The following PLCG2 variants were observed in gnomAD, a reference collection of about 807,000 sequenced individuals.
The protein encoded by PLCG2 is 1-phosphatidylinositol 4,5-bisphosphate phosphodiesterase gamma-2.
PLCG2 carries 69 observed loss-of-function variants against 175.6 expected under a neutral mutation model. That is an observed-to-expected ratio of 0.39 (90% confidence interval 0.32 to 0.48). PLCG2 has a LOEUF of 0.48. Among genes scored for constraint, PLCG2 ranks in the 20% least tolerant of loss-of-function variants. The probability of loss-of-function intolerance (pLI) is 0.91; values close to 1 mark genes in which losing one functional copy is unlikely to be tolerated. For synonymous variants in PLCG2, 827 were observed against 624.0 expected (o/e 1.33, Z -4.85); for missense variants, 1,798 against 1,650.9 (o/e 1.09, Z -1.54).
chr16:81,760,623 T>TA (rs1165017508), intron 2 of PLCG2, among the ~76,000 whole-genome samples: 1 of 151,742 alleles, frequency 6.6e-6, no homozygotes, highest in Non-Finnish European at 1.5e-5. Context: ...ACATAATACT[T>TA]ATATGGGCTG....
chr16:81,831,683 G>T (rs1230890135), intron 2 of PLCG2, among the ~76,000 whole-genome samples: 1 of 152,166 alleles, frequency 6.6e-6, no homozygotes, highest in African/African-American at 2.4e-5. Context: ...TCAGATCCTT[G>T]TGTTAGGGGG....
chr16:81,921,086 A>G (rs1292253009), intron 20 of PLCG2, 112 bp from the exon 21 acceptor site: 2 of 644,746 alleles, frequency 3.1e-6, no homozygotes, highest in African/African-American at 3.6e-5. Flanking sequence ...TGAGGTTTCA[A>G]CTCCTCTATC....
Position 81,946,158 on chromosome 16 carries a change from T to G in PLCG2, c.3482-17T>G. On this transcript the variant is annotated splice_polypyrimidine_tract_variant and intron_variant, in intron 30 of 32. Coordinates refer to ENST00000564138, the MANE Select transcript of PLCG2 (RefSeq NM_002661.5). Reference sequence around the variant, plus strand: ...TTAATTACCTGCCTTTGCATTTTCCTCCTTGTTCTGCTTCAGGATTCAGGT... The same window carrying G: ...TTAATTACCTGCCTTTGCATTTTCCGCCTTGTTCTGCTTCAGGATTCAGGT... 6.2e-7 allele frequency: 1 copy of G among 1,604,888 alleles called. No homozygotes were observed. The highest frequency in any genetic ancestry group is 1.7e-4 in the Middle Eastern group (1 of 6,032).
intron 1 of PLCG2, among the ~76,000 whole-genome samples, chr16:81,748,738 A>G (rs2143059675): frequency 6.6e-6 from 1 of 152,342 alleles, no homozygotes; most frequent in African/African-American, 2.4e-5. Flanking sequence ...TGTAGACTTG[A>G]TGGTAAACCC....
chr16:81,842,363 C>T (rs1359293073), intron 2 of PLCG2, among the ~76,000 whole-genome samples: 1 of 152,184 alleles, frequency 6.6e-6, no homozygotes, highest in Non-Finnish European at 1.5e-5. Flanking sequence ...CATATGCCGG[C>T]CTGGACAGGG....
At chr16:81,889,105 C>T in intron 9 of PLCG2, 67 bp from the exon 10 acceptor site, 1 of 958,948 alleles carries the variant, frequency 1.0e-6, no homozygotes, top group Non-Finnish European at 1.6e-6. Context: ...ACTGGATGGA[C>T]CCTGGGAAAT....
chr16:81,746,029 G>T (rs563763373), intron 1 of PLCG2, among the ~76,000 whole-genome samples: 1 of 152,252 alleles, frequency 6.6e-6, no homozygotes, highest in Admixed American at 6.5e-5. Context: ...CACTTCTGGG[G>T]ACAACATAAT....
At chr16:81,908,909 C>T (rs963473065) in intron 17 of PLCG2, among the ~76,000 whole-genome samples, 3 of 152,212 alleles carry the variant, frequency 2.0e-5, no homozygotes, top group Non-Finnish European at 4.4e-5. Flanking sequence ...TGGTCTCACT[C>T]ACTTTCCCCG....
intron 25 of PLCG2, 48 bp downstream of exon 25, chr16:81,931,702 C>T (rs1910510357): frequency 6.4e-7 from 1 of 1,571,046 alleles, no homozygotes; most frequent in South Asian, 1.1e-5. Context: ...ATTCTGAGGG[C>T]TTTGGTGCTC....
At chr16:81,872,645 G>A (rs1255812760) in intron 7 of PLCG2, among the ~76,000 whole-genome samples, 2 of 152,260 alleles carry the variant, frequency 1.3e-5, no homozygotes, top group Admixed American at 1.3e-4. Flanking sequence ...AGGGGCTGCT[G>A]TTGTTGCTGT....
chr16:81,900,245 G>A (rs906413598), intron 13 of PLCG2, among the ~76,000 whole-genome samples: 2 of 152,226 alleles, frequency 1.3e-5, no homozygotes, highest in African/African-American at 4.8e-5. Context: ...GACCCTGGGT[G>A]AAGCACACAT....
chr16:81,930,026 T>G (rs1401216434), intron 24 of PLCG2, among the ~76,000 whole-genome samples: 1 of 152,218 alleles, frequency 6.6e-6, no homozygotes, highest in South Asian at 2.1e-4. Context: ...TTTCTCTTAA[T>G]GAGCCTCAGT....
exon 1 of PLCG2, chr16:81,739,305 C>T (rs746738065): frequency 1.1e-4 from 17 of 151,962 alleles, no homozygotes; most frequent in African/African-American, 4.1e-4. Flanking sequence ...TACGTGCAAG[C>T]GGAAGAAATA....
intron 24 of PLCG2, 116 bp from the exon 25 acceptor site, chr16:81,931,381 C>T (rs2060032176): frequency 7.7e-6 from 7 of 913,568 alleles, no homozygotes; most frequent in African/African-American, 1.6e-5. Context: ...CAGTGCTAAC[C>T]GTGGTCATAG....
chr16:81,777,542 A>T (rs1169433565), upstream of PLCG2, among the ~76,000 whole-genome samples: 1 of 151,870 alleles, frequency 6.6e-6, no homozygotes, highest in Non-Finnish European at 1.5e-5. Context: ...TGTCATAATG[A>T]GTCCTTCCAA....
At chr16:81,895,499 G>A (rs749068556) in intron 12 of PLCG2, 9 of 275,252 alleles carry the variant, frequency 3.3e-5, no homozygotes, top group Non-Finnish European at 6.3e-5. Context: ...GGCGGAGATT[G>A]CAATGGGCCG....
In PLCG2 at chr16:81,816,651, A is replaced by ACTTTTTTTTTTTT. The variant is rs1555509092; in HGVS notation, c.193+30469_193+30470insCTTTTTTTTTTTT. Among the ~76,000 whole-genome samples, 27 of 108,880 alleles carry ACTTTTTTTTTTTT rather than the reference A, an allele frequency of 2.5e-4. 10 individuals are homozygous for ACTTTTTTTTTTTT. Among genetic ancestry groups the ACTTTTTTTTTTTT allele is most frequent in the African/African-American group, 6.4e-4 (17 of 26,504 alleles). The allele number at this position is 108,880 out of a possible 152,430, so 71.4% of individuals were successfully genotyped here. A position where few individuals can be genotyped will look rare whatever the true frequency, so the allele number is the denominator to read the frequency against. ...GCACCACCATGCCCAGCTAATTTTA[A>ACTTTTTTTTTTTT]TTTTTTTTTTTTTTTTTTTTTTTTT... On this transcript the variant is annotated intron_variant, in intron 2 of 32. Coordinates refer to ENST00000564138, the MANE Select transcript of PLCG2 (RefSeq NM_002661.5).
At chr16:81,768,384 A>C (rs537372570) in intron 2 of PLCG2, among the ~76,000 whole-genome samples, 4 of 152,158 alleles carry the variant, frequency 2.6e-5, no homozygotes, top group African/African-American at 9.7e-5. Context: ...TTCTGTGGAC[A>C]TATGTTTTCA....
At chr16:81,836,876 C>A (rs748797559) in intron 2 of PLCG2, among the ~76,000 whole-genome samples, 2 of 152,232 alleles carry the variant, frequency 1.3e-5, no homozygotes, top group Non-Finnish European at 2.9e-5. Context: ...CTCAGCCTTA[C>A]ATGAGTGCAC....
Sources: gnomAD v4.1 joint callset for allele counts (sites outside exome capture counted in the v4.1 genomes callset) on GRCh38, gnomAD v4.1.1 for gene constraint, MANE v1.5 for transcripts, NCBI Gene and HGNC (gene_info 2026-07-23, HGNC 2026-07-21) for gene names.